The following GPC6 variants were observed in gnomAD, a reference collection of about 807,000 sequenced individuals.
GPC6 encodes glypican-6.
A neutral mutation model predicts 55.2 loss-of-function variants in GPC6; 14 were observed. The ratio of observed to expected loss-of-function variants is 0.25; its 90% CI spans 0.17 to 0.40. GPC6 has a LOEUF of 0.40. Ranked by LOEUF, GPC6 falls within the 10% of genes least tolerant of loss-of-function variation. The pLI, the probability that GPC6 is intolerant of heterozygous loss-of-function variation, is 1.00. For missense variants in GPC6, 641 were observed against 708.5 expected, an observed-to-expected ratio of 0.90 and a Z score of 1.08; for synonymous variants, 278 against 259.6, an observed-to-expected ratio of 1.07 and a Z score of -0.68.
chr13:93,307,252 A>G (rs1224508948), intron 1 of GPC6, among the ~76,000 whole-genome samples: 1 of 152,138 alleles, frequency 6.6e-6, no homozygotes, highest in Non-Finnish European at 1.5e-5. Context: ...AATTATAGCC[A>G]TATGTGTGCC....
chr13:93,396,282 T>C (rs9524046), intron 1 of GPC6, among the ~76,000 whole-genome samples: 50,447 of 152,156 alleles, frequency 0.33, 10,826 homozygotes, highest in Non-Finnish European at 0.49. Context: ...ATAATAAAAC[T>C]AGCTGGGCAT....
chr13:94,197,340 G>T (rs1889610991), intron 4 of GPC6, among the ~76,000 whole-genome samples: 1 of 152,164 alleles, frequency 6.6e-6, no homozygotes, highest in African/African-American at 2.4e-5. Context: ...TTAAGAAGGG[G>T]AGCTATAACG....
intron 7 of GPC6, among the ~76,000 whole-genome samples, chr13:94,382,953 G>GT (rs1259704659): frequency 6.6e-6 from 1 of 151,942 alleles, no homozygotes; most frequent in Non-Finnish European, 1.5e-5. Flanking sequence ...AAATTCAACT[G>GT]TTTTTTTCAC....
intron 4 of GPC6, among the ~76,000 whole-genome samples, chr13:94,178,986 TC>T (rs1228948308): frequency 6.6e-6 from 1 of 152,160 alleles, no homozygotes. Context: ...GCTACTGAGT[TC>T]CCCCTTTCTT....
intron 2 of GPC6, among the ~76,000 whole-genome samples, chr13:93,762,071 T>C (rs148933579): frequency 6.6e-6 from 1 of 152,290 alleles, no homozygotes; most frequent in African/African-American, 2.4e-5. Context: ...ACTGTTCTAC[T>C]CTCAATCTCT....
chr13:93,675,122 A>C (rs1881534744), intron 2 of GPC6, among the ~76,000 whole-genome samples: 1 of 152,138 alleles, frequency 6.6e-6, no homozygotes, highest in African/African-American at 2.4e-5. Flanking sequence ...ACAGCTTTGA[A>C]CAAGTGCAGT....
At position 93,845,026 on chromosome 13, in the gene GPC6, C is replaced by G. The variant is rs1376156159; in HGVS notation, c.711+14481C>G. ...TATATCTCTGTTTTGGTACCAGTAC[C>G]ATGCTGTTTTGGTTACTGTAGCCTT... On this transcript the variant is annotated intron_variant, in intron 3 of 8. Coordinates refer to ENST00000377047, the MANE Select transcript of GPC6 (RefSeq NM_005708.5). 4.0e-4 allele frequency among the ~76,000 whole-genome samples: 61 copies of G among 151,990 alleles called. 1 individual carries two copies. The South Asian group carries it at 0.012, about 29-fold the overall frequency.
chr13:94,184,312 A>C (rs965072577), intron 4 of GPC6, among the ~76,000 whole-genome samples: 3 of 151,938 alleles, frequency 2.0e-5, no homozygotes, highest in African/African-American at 7.3e-5. Context: ...TTGCACAGCA[A>C]AAAACAAAGA....
chr13:94,133,288 A>AAAAAAAAAAAAAC (rs1566447239), intron 4 of GPC6, among the ~76,000 whole-genome samples: 1 of 127,462 alleles, frequency 7.8e-6, no homozygotes, highest in African/African-American at 2.9e-5. Flanking sequence ...AAAAAAAAAA[A>AAAAAAAAAAAAAC]AAAACCTTAA....
intron 2 of GPC6, among the ~76,000 whole-genome samples, chr13:93,565,361 G>T (rs552770263): frequency 1.3e-5 from 2 of 152,240 alleles, no homozygotes; most frequent in Admixed American, 6.5e-5. Flanking sequence ...TGTGGGGTCT[G>T]GTTCATTGCT....
intron 4 of GPC6, among the ~76,000 whole-genome samples, chr13:94,054,532 C>A (rs1008191748): frequency 6.6e-6 from 1 of 152,160 alleles, no homozygotes. Context: ...AACCACTGAT[C>A]CAAATAATCC....
intron 2 of GPC6, among the ~76,000 whole-genome samples, chr13:93,697,179 G>A (rs1026003635): frequency 7.2e-5 from 11 of 152,094 alleles, no homozygotes; most frequent in African/African-American, 2.7e-4. Context: ...TTGGATATCA[G>A]CTCTCACTTC....
intron 3 of GPC6, among the ~76,000 whole-genome samples, chr13:93,989,166 T>A (rs1381197320): frequency 6.6e-6 from 1 of 152,176 alleles, no homozygotes; most frequent in Non-Finnish European, 1.5e-5. Context: ...AGGTGAGAAA[T>A]TCATGTGATG....
intron 6 of GPC6, among the ~76,000 whole-genome samples, chr13:94,316,545 G>A (rs1220570250): frequency 7.3e-5 from 11 of 151,666 alleles, no homozygotes; most frequent in East Asian, 1.9e-4. Flanking sequence ...GTGAAACCCC[G>A]TCTCTACTAA....
chr13:94,109,491 T>G (rs181763761), intron 4 of GPC6, among the ~76,000 whole-genome samples: 25 of 152,304 alleles, frequency 1.6e-4, no homozygotes, highest in African/African-American at 5.8e-4. Context: ...GAAGATTCAA[T>G]GACTACTTAT....
At chr13:93,973,006 C>T (rs11839403) in intron 3 of GPC6, among the ~76,000 whole-genome samples, 1,568 of 151,500 alleles carry the variant, frequency 0.01, 35 homozygotes, top group African/African-American at 0.036. Flanking sequence ...TCAGTTAAAT[C>T]TTCTAAGTGG....
In GPC6 at chr13:94,407,752, A is replaced by G. The variant is rs1331124870; in HGVS notation, c.*4535A>G. On this transcript the variant is annotated 3_prime_UTR_variant, in exon 9 of 9. Transcript: ENST00000377047. ...ATGTGAAAAGACTAATAATTTCCCA[A>G]TTTAGCCAATTGCATTGATTTTTAT... Among the ~76,000 whole-genome samples, 2 of 152,178 alleles carry G rather than the reference A, an allele frequency of 1.3e-5. No individual in the cohort carries two copies. Among genetic ancestry groups the G allele is most frequent in the Admixed American group, 6.5e-5 (1 of 15,290 alleles).
At chr13:93,719,064 G>A (rs1407915979) in intron 2 of GPC6, among the ~76,000 whole-genome samples, 3 of 151,802 alleles carry the variant, frequency 2.0e-5, no homozygotes, top group African/African-American at 4.8e-5. Context: ...TTGGCTATAC[G>A]GGCTGTTTTT....
intron 1 of GPC6, among the ~76,000 whole-genome samples, chr13:93,418,973 AT>A (rs1228396661): frequency 6.8e-6 from 1 of 146,340 alleles, no homozygotes; most frequent in African/African-American, 2.7e-5. Flanking sequence ...CTGTAGTATC[AT>A]TTTATTAATA....
Sources: gnomAD v4.1 joint callset for allele counts (sites outside exome capture counted in the v4.1 genomes callset) on GRCh38, gnomAD v4.1.1 for gene constraint, MANE v1.5 for transcripts, NCBI Gene and HGNC (gene_info 2026-07-23, HGNC 2026-07-21) for gene names.